The following EXT2 variants were observed in gnomAD, a reference collection of about 807,000 sequenced individuals.
The protein encoded by EXT2 is exostosin glycosyltransferase 2.
Under a neutral mutation model 81.6 loss-of-function variants are expected in EXT2, and 53 were observed. The ratio of observed to expected loss-of-function variants is 0.65; its 90% CI spans 0.52 to 0.82. The LOEUF (loss-of-function observed/expected upper bound fraction) is 0.82, where lower values mean the gene tolerates loss of function less well. Among genes scored for constraint, EXT2 ranks in the 40% least tolerant of loss-of-function variants. The pLI, the probability that EXT2 is intolerant of heterozygous loss-of-function variation, is 0.00. For missense variants in EXT2, 774 were observed against 910.2 expected (o/e 0.85, Z 1.93); for synonymous variants, 320 against 340.0 (o/e 0.94, Z 0.65).
chr11:44,151,970 A>G (rs753824744), intron 7 of EXT2, among the ~76,000 whole-genome samples: 2 of 152,152 alleles, frequency 1.3e-5, no homozygotes, highest in Non-Finnish European at 2.9e-5. Flanking sequence ...ATGATATGTG[A>G]TATTGAACAT....
intron 7 of EXT2, among the ~76,000 whole-genome samples, chr11:44,135,169 G>A (rs967157086): frequency 7.2e-5 from 11 of 152,204 alleles, no homozygotes; most frequent in Admixed American, 5.2e-4. Flanking sequence ...AACAGTAAAT[G>A]TGTGCATACA....
chr11:44,119,171 CACAT>C (rs1555004315), intron 4 of EXT2, among the ~76,000 whole-genome samples: 188 of 17,834 alleles, frequency 0.011, 9 homozygotes, highest in African/African-American at 0.017. Flanking sequence ...TATATATATA[CACAT>C]ACACACACAC....
In EXT2 at chr11:44,232,461, T is replaced by C. The variant is rs370187162; in HGVS notation, c.1771T>C (p.Ser591Pro). ...TGAGTCTGAGTGGACGAATGAAGTG[T>C]CCATGGTGCTCACTGGGGCAGCTTT... ...KYESEWTNEV[S>P]MVLTGAAFYH... is the part of the protein sequence containing the mutation. The change falls in exon 11 of 14, where the codon TCC (serine) becomes CCC (proline). Residue 591 changes from serine to proline, a missense_variant. Physicochemically the swap from Ser to Pro is moderately conservative, Grantham distance 74. This residue lies in a region of EXT2 where 148 missense variants were observed against 239.7 expected (regional missense o/e 0.62). Coordinates refer to ENST00000533608, the MANE Select transcript of EXT2 (RefSeq NM_207122.2). The C allele has an allele frequency of 1.9e-5, 30 of 1,613,894 alleles. No homozygotes were observed. The highest frequency in any genetic ancestry group is 2.4e-5 in the Non-Finnish European group (28 of 1,179,960).
In EXT2 at chr11:44,244,290, C is replaced by A. The variant is rs542907948; in HGVS notation, c.*3C>A. 6.2e-7 allele frequency: 1 copy of A among 1,613,986 alleles called. No individual in the cohort carries two copies. Among genetic ancestry groups the A allele is most frequent in the South Asian group, 1.1e-5 (1 of 91,066 alleles). On this transcript the variant is annotated 3_prime_UTR_variant, in exon 14 of 14. Coordinates refer to ENST00000533608, the MANE Select transcript of EXT2 (RefSeq NM_207122.2). ...TCCCCAACATTGGCAGCTTATGAAA[C>A]GTGTCATTGGTGGAGGTCTGAATGT... is the stretch of plus-strand genomic sequence containing the variant.
At chr11:44,196,556 T>A (rs1380597951) in intron 8 of EXT2, among the ~76,000 whole-genome samples, 4 of 152,230 alleles carry the variant, frequency 2.6e-5, no homozygotes, top group African/African-American at 9.7e-5. Flanking sequence ...GAATATTTTG[T>A]CATCTTTATC....
intron 8 of EXT2, among the ~76,000 whole-genome samples, chr11:44,192,614 G>C (rs550683345): frequency 6.6e-6 from 1 of 152,172 alleles, no homozygotes; most frequent in African/African-American, 2.4e-5. Flanking sequence ...TAATTCATAG[G>C]ATCCTGTGTT....
chr11:44,178,178 C>T (rs1337185796), intron 8 of EXT2, among the ~76,000 whole-genome samples: 1 of 152,190 alleles, frequency 6.6e-6, no homozygotes, highest in Admixed American at 6.5e-5. Context: ...CAGTGGTTCT[C>T]AATCTTTAGT....
chr11:44,227,601 C>T (rs1230889003), intron 10 of EXT2, among the ~76,000 whole-genome samples: 2 of 152,168 alleles, frequency 1.3e-5, no homozygotes, highest in East Asian at 3.8e-4. Flanking sequence ...CTAGGCTGCC[C>T]CCTGTGGGCT....
In EXT2 at chr11:44,120,118, ATAAT is replaced by A. The variant is rs1181630601; in HGVS notation, c.744-4668_744-4665del. Among the ~76,000 whole-genome samples the A allele has an allele frequency of 6.6e-5, 10 of 152,352 alleles. 1 individual carries two copies. The South Asian group carries it at 1.7e-3, about 25-fold the overall frequency. The stretch of plus-strand genomic sequence containing the variant: ...TCCAAACAGTAAAACTCATTTTCAA[ATAAT>A]TAGTTTCAGAGATTTAGATACATCA... On this transcript the variant is annotated intron_variant, in intron 4 of 13. Coordinates refer to ENST00000533608, the MANE Select transcript of EXT2 (RefSeq NM_207122.2).
At chr11:44,132,016 G>A (rs566025858) in intron 7 of EXT2, among the ~76,000 whole-genome samples, 6 of 152,200 alleles carry the variant, frequency 3.9e-5, no homozygotes, top group Non-Finnish European at 2.9e-5. Context: ...GATTATAGGC[G>A]TGAGCCACCA....
intron 7 of EXT2, 152 bp downstream of exon 7, chr11:44,130,290 G>C: frequency 1.4e-6 from 1 of 713,142 alleles, no homozygotes; most frequent in South Asian, 1.5e-5. Flanking sequence ...ATTAATGTTA[G>C]GTGAGTTGCA....
chr11:44,242,726 A>T (rs1956051004), intron 13 of EXT2, among the ~76,000 whole-genome samples: 1 of 152,240 alleles, frequency 6.6e-6, no homozygotes, highest in Non-Finnish European at 1.5e-5. Context: ...GGTGCTCAGC[A>T]GTTGTTAATT....
At chr11:44,206,012 T>C (rs1955578362) in intron 9 of EXT2, among the ~76,000 whole-genome samples, 1 of 152,142 alleles carries the variant, frequency 6.6e-6, no homozygotes, top group Non-Finnish European at 1.5e-5. Flanking sequence ...GAAAAAAATG[T>C]AAGGCACGTC....
At chr11:44,128,647 C>T (rs1013919273) in intron 6 of EXT2, among the ~76,000 whole-genome samples, 6 of 152,118 alleles carry the variant, frequency 3.9e-5, no homozygotes, top group Middle Eastern at 6.8e-3. Context: ...TTCACAGAGG[C>T]GGTAACTCTA....
chr11:44,108,104 A>G lies in EXT2; in HGVS notation c.392A>G (p.Asn131Ser). The G allele has an allele frequency of 6.2e-7, 1 of 1,614,174 alleles. No homozygotes were observed. Among genetic ancestry groups the G allele is most frequent in the Non-Finnish European group, 8.5e-7 (1 of 1,180,022 alleles). ...SVSNTISREY[N>S]ELLMAISDSD... ...AGCAACACCATCTCCCGGGAGTATA[A>G]TGAACTGCTCATGGCCATCTCAGAC... Residue 131 changes from asparagine (N) to serine (S), a missense_variant, in exon 2 of 14, where the codon AAT becomes AGT. Coordinates refer to ENST00000533608, the MANE Select transcript of EXT2 (RefSeq NM_207122.2).
intron 13 of EXT2, among the ~76,000 whole-genome samples, chr11:44,243,612 T>C (rs929639232): frequency 1.4e-5 from 2 of 145,794 alleles, no homozygotes; most frequent in African/African-American, 5.0e-5. Context: ...AATTTGGCCC[T>C]GTCACCTTTT....
chr11:44,128,295 C>T lies in EXT2; in HGVS notation c.1079+1340C>T, dbSNP rs75660223. Among the ~76,000 whole-genome samples the T allele has an allele frequency of 4.6e-3, 694 of 152,126 alleles. 8 individuals are homozygous for T. Among genetic ancestry groups the T allele is most frequent in the African/African-American group, 0.016 (675 of 41,504 alleles). On this transcript the variant is annotated intron_variant, in intron 6 of 13. Transcript: ENST00000533608. ...TCATAGCAGCTGTATGCACAGGGGA[C>T]CATGGAAACCCAAAAGAGAGGAGGG...
In EXT2 at chr11:44,198,009, C is replaced by A. The variant is rs1317020965; in HGVS notation, c.1486C>A (p.Pro496Thr). Residue 496 changes from proline to threonine, a missense_variant, in exon 9 of 14, where the codon CCT (proline) becomes ACT (threonine). Physicochemically the swap from Pro to Thr is conservative, Grantham distance 38. Coordinates refer to ENST00000533608, the MANE Select transcript of EXT2 (RefSeq NM_207122.2). ...CGTCTGGAATAATCAGAATAAAAACCCTCCAGAAGGTAAGAAGCCTTAGTG... is the reference window on the plus strand; with the variant it reads ...CGTCTGGAATAATCAGAATAAAAACACTCCAGAAGGTAAGAAGCCTTAGTG... ...LVVWNNQNKN[P>T]PEDSLWPKIR... is the part of the protein sequence containing the mutation. 1.9e-6 allele frequency: 3 copies of A among 1,613,940 alleles called. No homozygotes were observed. Among genetic ancestry groups the A allele is most frequent in the Non-Finnish European group, 2.5e-6 (3 of 1,179,984 alleles).
At chr11:44,205,679 G>A (rs1459953869) in intron 9 of EXT2, among the ~76,000 whole-genome samples, 1 of 152,204 alleles carries the variant, frequency 6.6e-6, no homozygotes, top group East Asian at 1.9e-4. Context: ...AGTCAGTTAA[G>A]GCAGCTTTTC....
Sources: allele counts gnomAD v4.1 joint callset (sites outside exome capture counted in the v4.1 genomes callset), GRCh38; gene constraint gnomAD v4.1.1; regional missense constraint gnomAD v4.1.1; transcripts MANE v1.5; gene names NCBI Gene and HGNC (gene_info 2026-07-23, HGNC 2026-07-21).